ULK1: variants seen among roughly 807,000 people sequenced by gnomAD.
ULK1 encodes the protein unc-51 like autophagy activating kinase 1, also known as serine/threonine-protein kinase ULK1.
ULK1 carries 48 observed loss-of-function variants against 117.5 expected under a neutral mutation model. The ratio of observed to expected loss-of-function variants is 0.41; its 90% CI spans 0.32 to 0.52. The LOEUF is 0.52. Among genes scored for constraint, ULK1 ranks in the 20% least tolerant of loss-of-function variants. The probability of loss-of-function intolerance (pLI) is 0.29; values close to 1 mark genes in which losing one functional copy is unlikely to be tolerated. For synonymous variants in ULK1, 790 were observed against 637.8 expected (o/e 1.24, Z -3.60); for missense variants, 1,387 against 1,473.4 (o/e 0.94, Z 0.96).
chr12:131,914,788 G>C (rs1015559646), intron 16 of ULK1, among the ~76,000 whole-genome samples: 2 of 152,260 alleles, frequency 1.3e-5, no homozygotes, highest in Non-Finnish European at 2.9e-5. Flanking sequence ...GTGTGGGCCA[G>C]TGGGTGTCTG....
rs537001043 is a variant in ULK1, at chr12:131,916,426, C to A, written c.1907C>A (p.Thr636Asn). The A allele has an allele frequency of 6.3e-7, 1 of 1,599,326 alleles. No homozygotes were observed. Residue 636 changes from threonine (T) to asparagine (N), a missense_variant, in exon 20 of 28, where the codon ACC becomes AAC. Coordinates refer to ENST00000321867, the MANE Select transcript of ULK1 (RefSeq NM_003565.4). ...GTGCCCTCCTTTGACTTCCCGAAGA[C>A]CCCCAGCTCCCAGAACCTGCTGGCC... ...KAVPSFDFPK[T>N]PSSQNLLALL... is the part of the protein sequence containing the mutation.
At chr12:131,919,957 T>G (rs1890075809) in intron 25 of ULK1, 22 bp from the exon 26 acceptor site, 1 of 1,607,480 alleles carries the variant, frequency 6.2e-7, no homozygotes, top group African/African-American at 1.3e-5. Flanking sequence ...CACCCTGAGC[T>G]GACCACCCTC....
In ULK1 at chr12:131,909,217, A is replaced by T. The variant is rs2136391983; in HGVS notation, c.646A>T (p.Thr216Ser). The T allele has an allele frequency of 6.2e-7, 1 of 1,605,858 alleles. No homozygotes were observed. Among genetic ancestry groups the T allele is most frequent in the East Asian group, 2.3e-5 (1 of 44,366 alleles). ...SIGTIVYQCL[T>S]GKAPFQASSP... ...CGGCACCATCGTCTACCAGTGCCTG[A>T]CGGGGAAGGCGCCCTTCCAGGTAAC... is the stretch of plus-strand genomic sequence containing the variant. The change falls in exon 8 of 28, where the codon ACG (threonine) becomes TCG (serine). Residue 216 changes from threonine (T) to serine (S), a missense_variant. Around this residue, in one of 4 missense-constraint regions of ULK1, gnomAD observed 224 missense variants for 325.2 expected, o/e 0.69. Transcript: ENST00000321867.
At position 131,915,253 on chromosome 12, in the gene ULK1, T is replaced by C. The variant is rs199893174; in HGVS notation, c.1522+22T>C. ...CAAGGTGCGCCTGCAGGCTGGGGCC[T>C]GGGAAGGGGCGTCTGTAGGCAGTGG... On this transcript the variant is annotated intron_variant, in intron 17 of 27. Coordinates refer to ENST00000321867, the MANE Select transcript of ULK1 (RefSeq NM_003565.4). 10,645 of 1,605,584 alleles carry C rather than the reference T, an allele frequency of 6.6e-3. 51 individuals carry two copies. The highest frequency in any genetic ancestry group is 8.1e-3 in the Non-Finnish European group (9,529 of 1,175,930).
At chr12:131,911,833 A>T in intron 12 of ULK1, 109 bp from the exon 13 acceptor site, 2 of 1,494,836 alleles carry the variant, frequency 1.3e-6, no homozygotes, top group Non-Finnish European at 1.8e-6. Flanking sequence ...TCTCAGCCCC[A>T]GCGCCCCGAT....
chr12:131,909,688 G>A, intron 8 of ULK1, 87 bp from the exon 9 acceptor site: 1 of 1,367,668 alleles, frequency 7.3e-7, no homozygotes. Flanking sequence ...TGGGGCAGGG[G>A]CCGACTGGGG....
At chr12:131,909,886 G>A in intron 9 of ULK1, 33 bp from the exon 10 acceptor site, 1 of 1,610,766 alleles carries the variant, frequency 6.2e-7, no homozygotes, top group Middle Eastern at 1.7e-4. Flanking sequence ...CGGCCCCGCA[G>A]GCCCTGCTCA....
At chr12:131,919,620 C>A in intron 25 of ULK1, 30 bp downstream of exon 25, 1 of 1,602,820 alleles carries the variant, frequency 6.2e-7, no homozygotes. Context: ...AGCCCACATG[C>A]CGGGTTGGGG....
chr12:131,909,717 C>CG, intron 8 of ULK1, 58 bp from the exon 9 acceptor site: 1 of 1,493,632 alleles, frequency 6.7e-7, no homozygotes, highest in East Asian at 2.4e-5. Flanking sequence ...ACCGAGACCC[C>CG]GTGGGCTGGT....
At chr12:131,908,620 GC>G in intron 5 of ULK1, 23 bp from the exon 6 acceptor site, 1 of 1,459,440 alleles carries the variant, frequency 6.9e-7, no homozygotes, top group Non-Finnish European at 9.0e-7. Context: ...CGGCCCCCAG[GC>G]CCTGAGCCGC....
chr12:131,916,232 A>G, intron 19 of ULK1, 73 bp downstream of exon 19: 1 of 1,563,604 alleles, frequency 6.4e-7, no homozygotes, highest in Non-Finnish European at 8.7e-7. Context: ...AGTCCTGAAC[A>G]AAGACCGAGG....
rs772875061 is a variant in ULK1, at chr12:131,918,482, GC to G, written c.2327-12del. 9.3e-6 allele frequency: 15 copies of G among 1,605,502 alleles called. No homozygotes were observed. The African/African-American group carries it at 2.0e-4, about 21-fold the overall frequency. On this transcript the variant is annotated splice_polypyrimidine_tract_variant and intron_variant, in intron 22 of 27. Coordinates refer to ENST00000321867, the MANE Select transcript of ULK1 (RefSeq NM_003565.4). The stretch of plus-strand genomic sequence containing the variant: ...TGCTGGTCCTGGTGTGCCCCTCATC[GC>G]CCTCTCCCTGCAGCGGGCCCCACTG...
At position 131,920,150 on chromosome 12, in the gene ULK1, A is replaced by T. The variant is rs1240793661; in HGVS notation, c.2961+14A>T. The stretch of plus-strand genomic sequence containing the variant: ...GCTGTGCAGATGGTACGGGACAGAC[A>T]GACACCAGTGGGGCAGGGGCCAGGA... On this transcript the variant is annotated intron_variant, in intron 26 of 27. Coordinates refer to ENST00000321867, the MANE Select transcript of ULK1 (RefSeq NM_003565.4). 8 of 1,608,354 alleles carry T rather than the reference A, an allele frequency of 5.0e-6. No individual in the cohort carries two copies. The highest frequency in any genetic ancestry group is 6.8e-6 in the Non-Finnish European group (8 of 1,176,258).
rs1409721762 is a variant in ULK1, at chr12:131,917,450, C to T, written c.2222C>T (p.Ala741Val). The change falls in exon 22 of 28, where the codon GCC (alanine) becomes GTC (valine). Residue 741 changes from alanine to valine, a missense_variant. By Grantham distance (64) the Ala-to-Val change is moderately conservative. Coordinates refer to ENST00000321867, the MANE Select transcript of ULK1 (RefSeq NM_003565.4). Reference sequence around the variant, plus strand: ...TTTGGAGGGAGCCTGCACCCAGGAGCCCGTGCTGGGGGCACCAGCAGCCCT... The same window carrying T: ...TTTGGAGGGAGCCTGCACCCAGGAGTCCGTGCTGGGGGCACCAGCAGCCCT... ...AGFGGSLHPG[A>V]RAGGTSSPSP... 7 of 1,539,202 alleles carry T rather than the reference C, an allele frequency of 4.5e-6. No individual in the cohort carries two copies. The highest frequency in any genetic ancestry group is 2.0e-5 in the Admixed American group (1 of 50,904).
In ULK1 at chr12:131,915,919, C is replaced by A; in HGVS notation, c.1638C>A (p.Arg546=). ...CCTCTGCACCCGAGCACTCTCCCCG[C>A]ACTTCCGGGCTGGGCTGCCGCCTGC... is the stretch of plus-strand genomic sequence containing the variant. The part of the protein sequence containing the change: ...PGSSAPEHSP[R]TSGLGCRLHS... The change falls in exon 19 of 28, where the codon CGC becomes CGA. Residue 546 remains arginine, a synonymous_variant. Transcript: ENST00000321867. The A allele has an allele frequency of 6.2e-7, 1 of 1,612,074 alleles. No homozygotes were observed. Among genetic ancestry groups the A allele is most frequent in the Non-Finnish European group, 8.5e-7 (1 of 1,179,826 alleles).
chr12:131,915,710 A>C (rs1039871092), intron 18 of ULK1, among the ~76,000 whole-genome samples, 181 bp from the exon 19 acceptor site: 3 of 151,974 alleles, frequency 2.0e-5, no homozygotes, highest in Non-Finnish European at 2.9e-5. Flanking sequence ...CAGAGGTTGC[A>C]GTGAGCCGAG....
rs1593265414 is a variant in ULK1 at position 131,908,825 on chromosome 12, C to G, written c.490+8C>G. The G allele has an allele frequency of 1.2e-6, 2 of 1,605,974 alleles. No individual in the cohort carries two copies. The highest frequency in any genetic ancestry group is 8.5e-7 in the Non-Finnish European group (1 of 1,176,906). Reference sequence around the variant, plus strand: ...GCATCCGCGTCAAGATCGGTCAGCCCGCGGGCAGGCAGGCGGGCCCGGCGG... The same window carrying G: ...GCATCCGCGTCAAGATCGGTCAGCCGGCGGGCAGGCAGGCGGGCCCGGCGG... On this transcript the variant is annotated splice_region_variant and intron_variant, in intron 6 of 27. Transcript: ENST00000321867.
intron 8 of ULK1, 30 bp downstream of exon 8, chr12:131,909,267 C>T (rs753167888): frequency 3.2e-6 from 5 of 1,539,498 alleles, no homozygotes; most frequent in Admixed American, 2.0e-5. Flanking sequence ...CTCCCCACGC[C>T]GCACCGTCAG....
chr12:131,900,064 C>T (rs1401288411), intron 3 of ULK1, among the ~76,000 whole-genome samples: 1 of 141,524 alleles, frequency 7.1e-6, no homozygotes, highest in Non-Finnish European at 1.5e-5. Flanking sequence ...CTGCAGTGAG[C>T]TGAGATTGCG....
Sources: allele counts gnomAD v4.1 joint callset (sites outside exome capture counted in the v4.1 genomes callset), GRCh38; gene constraint gnomAD v4.1.1; regional missense constraint gnomAD v4.1.1; transcripts MANE v1.5; gene names NCBI Gene and HGNC (gene_info 2026-07-23, HGNC 2026-07-21).